The following PREX2 variants were observed in gnomAD, a reference collection of about 807,000 sequenced individuals.
PREX2 encodes phosphatidylinositol-3,4,5-trisphosphate dependent Rac exchange factor 2.
PREX2 carries 107 observed loss-of-function variants against 203.2 expected under a neutral mutation model. The ratio of observed to expected loss-of-function variants is 0.53; its 90% CI spans 0.45 to 0.62. The LOEUF is 0.62. PREX2 is among the 20% of genes least tolerant of loss of function. PREX2 has a pLI of 0.00. For synonymous variants in PREX2, 672 were observed against 663.6 expected, an observed-to-expected ratio of 1.01 and a Z score of -0.19; for missense variants, 1,777 against 1,955.9, an observed-to-expected ratio of 0.91 and a Z score of 1.72.
intron 35 of PREX2, among the ~76,000 whole-genome samples, chr8:68,159,146 G>T (rs981974095): frequency 1.3e-5 from 2 of 152,110 alleles, no homozygotes; most frequent in African/African-American, 4.8e-5. Flanking sequence ...GAGACTCATA[G>T]CTGGGAAGTA....
chr8:68,118,024 A>G (rs1227912328), intron 26 of PREX2, among the ~76,000 whole-genome samples: 1 of 152,250 alleles, frequency 6.6e-6, no homozygotes, highest in Non-Finnish European at 1.5e-5. Context: ...ATTAGATTAT[A>G]TGATACAAGA....
At chr8:68,198,146 G>A (rs973585962) in intron 37 of PREX2, among the ~76,000 whole-genome samples, 2 of 152,158 alleles carry the variant, frequency 1.3e-5, no homozygotes, top group Admixed American at 6.5e-5. Context: ...AGATAGTTGT[G>A]AGGCACTTTC....
At chr8:68,158,185 C>G (rs555567874) in intron 35 of PREX2, among the ~76,000 whole-genome samples, 5 of 150,342 alleles carry the variant, frequency 3.3e-5, no homozygotes, top group Non-Finnish European at 7.4e-5. Context: ...ACACATATCT[C>G]CTTCTTATCT....
chr8:68,168,268 A>G (rs1271286468), intron 35 of PREX2, among the ~76,000 whole-genome samples: 1 of 152,224 alleles, frequency 6.6e-6, no homozygotes, highest in Non-Finnish European at 1.5e-5. Flanking sequence ...GCTTTTAGGT[A>G]TAACTAGCAG....
chr8:68,078,344 C>T (rs1809410754), intron 15 of PREX2, among the ~76,000 whole-genome samples: 1 of 152,028 alleles, frequency 6.6e-6, no homozygotes, highest in South Asian at 2.1e-4. Context: ...TTTTGCTTTT[C>T]TTGGTAGAGA....
chr8:68,053,174 T>C lies in PREX2; in HGVS notation c.1021T>C (p.Cys341Arg), dbSNP rs768546853. Residue 341 changes from cysteine to arginine, a missense_variant, in exon 9 of 40, where the codon TGT becomes CGT. Coordinates refer to ENST00000288368, the MANE Select transcript of PREX2 (RefSeq NM_024870.4). ...CACAGCAAAAAATAAATGGTTTGTT[T>C]GTATGGCAAAAACACCTGAAGAGAA... ...HNTAKNKWFV[C>R]MAKTPEEKHE... The C allele has an allele frequency of 6.2e-7, 1 of 1,613,770 alleles. No homozygotes were observed. Among genetic ancestry groups the C allele is most frequent in the Non-Finnish European group, 8.5e-7 (1 of 1,179,756 alleles).
At chr8:68,069,182 T>C in intron 12 of PREX2, 46 bp downstream of exon 12, 1 of 896,798 alleles carries the variant, frequency 1.1e-6, no homozygotes, top group Non-Finnish European at 1.7e-6. Context: ...ATGCATGTTG[T>C]CATTCTTCAG....
chr8:68,057,265 C>T (rs947340349), intron 10 of PREX2, among the ~76,000 whole-genome samples: 1 of 152,150 alleles, frequency 6.6e-6, no homozygotes, highest in African/African-American at 2.4e-5. Flanking sequence ...TTGTAAGTTT[C>T]CTGGAGCTTT....
At chr8:68,086,217 T>C (rs145613329) in intron 18 of PREX2, among the ~76,000 whole-genome samples, 1 of 152,328 alleles carries the variant, frequency 6.6e-6, no homozygotes, top group African/African-American at 2.4e-5. Flanking sequence ...TTTATAATAA[T>C]ACTTTCAAGT....
chr8:68,004,510 T>C (rs928001975), intron 1 of PREX2, among the ~76,000 whole-genome samples: 2 of 152,236 alleles, frequency 1.3e-5, no homozygotes, highest in African/African-American at 4.8e-5. Context: ...TGCATCCTTA[T>C]TGAATTAGAC....
At chr8:67,964,190 G>A (rs117576581) in intron 1 of PREX2, among the ~76,000 whole-genome samples, 1,937 of 152,260 alleles carry the variant, frequency 0.013, 15 homozygotes, top group Non-Finnish European at 0.021. Flanking sequence ...AAAGTGGAGG[G>A]CAAGCACTCC....
chr8:68,119,286 A>T (rs569586104), intron 27 of PREX2, 146 bp from the exon 28 acceptor site: 1 of 561,896 alleles, frequency 1.8e-6, no homozygotes, highest in Non-Finnish European at 3.1e-6. Context: ...AATCTTTTGG[A>T]ACTCTTTCTC....
At chr8:68,148,919 T>G (rs543448850) in intron 34 of PREX2, among the ~76,000 whole-genome samples, 3 of 152,290 alleles carry the variant, frequency 2.0e-5, no homozygotes, top group African/African-American at 7.2e-5. Context: ...TTGAGAGAAG[T>G]ACAGGAAAAT....
chr8:68,103,668 C>A (rs754557001), intron 23 of PREX2: 1 of 519,308 alleles, frequency 1.9e-6, no homozygotes, highest in Admixed American at 1.9e-5. Flanking sequence ...CTGTATTTTG[C>A]CAAAGTCTAT....
intron 34 of PREX2, among the ~76,000 whole-genome samples, chr8:68,150,178 A>G (rs1404292152): frequency 1.3e-5 from 2 of 152,176 alleles, no homozygotes; most frequent in Non-Finnish European, 2.9e-5. Flanking sequence ...TCTGTAGTCC[A>G]TGCTTTGCAC....
intron 34 of PREX2, among the ~76,000 whole-genome samples, chr8:68,156,028 T>G (rs1227720330): frequency 6.6e-6 from 1 of 152,072 alleles, no homozygotes; most frequent in African/African-American, 2.4e-5. Flanking sequence ...GGAGTGAAAA[T>G]TTCCATTTTT....
intron 35 of PREX2, among the ~76,000 whole-genome samples, chr8:68,164,531 G>A (rs1585838811): frequency 6.6e-6 from 1 of 150,762 alleles, no homozygotes; most frequent in South Asian, 2.1e-4. Context: ...TCAGATTATA[G>A]CCAAGAAAAA....
At chr8:68,190,912 C>A (rs1812280222) in intron 35 of PREX2, among the ~76,000 whole-genome samples, 2 of 151,744 alleles carry the variant, frequency 1.3e-5, no homozygotes, top group Admixed American at 6.6e-5. Context: ...GCAAAGCAAA[C>A]ACAGCGATAA....
intron 35 of PREX2, among the ~76,000 whole-genome samples, chr8:68,165,978 A>G (rs530878623): frequency 1.3e-5 from 2 of 152,352 alleles, no homozygotes; most frequent in South Asian, 4.1e-4. Flanking sequence ...CATGCTGTGT[A>G]AAACCAGACC....
Sources: gnomAD v4.1 joint callset for allele counts (sites outside exome capture counted in the v4.1 genomes callset) on GRCh38, gnomAD v4.1.1 for gene constraint, MANE v1.5 for transcripts, NCBI Gene and HGNC (gene_info 2026-07-23, HGNC 2026-07-21) for gene names.